CCDC66: variants seen among roughly 807,000 people sequenced by gnomAD.
CCDC66 encodes coiled-coil domain-containing protein 66.
Under a neutral mutation model 128.3 loss-of-function variants are expected in CCDC66, and 133 were observed. The observed-to-expected ratio is 1.04, with a 90% CI of 0.90 to 1.20. The LOEUF (loss-of-function observed/expected upper bound fraction) is 1.20, where lower values mean the gene tolerates loss of function less well. CCDC66 is among the 50% of genes most tolerant of loss of function. CCDC66 has a pLI of 0.00. For missense variants in CCDC66, 1,126 were observed against 1,075.5 expected, an observed-to-expected ratio of 1.05 and a Z score of -0.66; for synonymous variants, 387 against 357.0, an observed-to-expected ratio of 1.08 and a Z score of -0.95.
chr3:56,559,422 A>G, intron 2 of CCDC66, 147 bp from the exon 3 acceptor site: 1 of 536,722 alleles, frequency 1.9e-6, no homozygotes. Context: ...ATTAGAAAAA[A>G]ATACTCAGTC....
At chr3:56,611,432 C>T (rs368565405) in intron 10 of CCDC66, among the ~76,000 whole-genome samples, 7 of 147,156 alleles carry the variant, frequency 4.8e-5, no homozygotes, top group Admixed American at 3.4e-4. Flanking sequence ...CCCCCTCAAA[C>T]GCCTGCAACA....
chr3:56,561,898 C>T (rs2065149460), intron 3 of CCDC66, among the ~76,000 whole-genome samples: 1 of 151,934 alleles, frequency 6.6e-6, no homozygotes, highest in Non-Finnish European at 1.5e-5. Context: ...TTTTTTTCCC[C>T]CATTTCCCAC....
rs371171885 is a variant in CCDC66 at position 56,564,144 on chromosome 3, T to C, written c.544+19T>C. 37 of 1,561,340 alleles carry C rather than the reference T, an allele frequency of 2.4e-5. No individual in the cohort carries two copies. The African/African-American group carries it at 5.0e-4, about 21-fold the overall frequency. The stretch of plus-strand genomic sequence containing the variant: ...GCAAAAAGTAAGATTTTTCTAAAGT[T>C]TTCATGAATTTTGATTTTTTCAATA... On this transcript the variant is annotated intron_variant, in intron 4 of 17. Transcript: ENST00000394672.
rs7619518 is a variant in CCDC66 at position 56,620,220 on chromosome 3, T to C, written c.2760+319T>C. On this transcript the variant is annotated intron_variant, in intron 17 of 17. Transcript: ENST00000394672. ...GGCCCTAAAACAAAAAATACAGTTA[T>C]GCTTTAACAAATTCTTAGCAATGTG... The C allele has an allele frequency of 2.4e-3, 413 of 171,254 alleles. 1 individual carries two copies. Among genetic ancestry groups the C allele is most frequent in the African/African-American group, 6.9e-3 (289 of 42,124 alleles). 10.6% of individuals were successfully genotyped at this position (171,254 alleles called of 1,614,324 possible). A position where few individuals can be genotyped will look rare whatever the true frequency, so the allele number is the denominator to read the frequency against.
chr3:56,575,384 G>A (rs2067218353), intron 7 of CCDC66, among the ~76,000 whole-genome samples: 1 of 151,796 alleles, frequency 6.6e-6, no homozygotes, highest in African/African-American at 2.4e-5. Flanking sequence ...CTATTTGCAT[G>A]TATTTGAAGA....
intron 10 of CCDC66, among the ~76,000 whole-genome samples, chr3:56,603,334 A>G (rs1295982716): frequency 6.6e-6 from 1 of 151,248 alleles, no homozygotes; most frequent in African/African-American, 2.4e-5. Flanking sequence ...GTAGCTTTTG[A>G]ATTTGTTTGC....
At chr3:56,604,988 A>G (rs13095165) in intron 10 of CCDC66, among the ~76,000 whole-genome samples, 4,859 of 151,202 alleles carry the variant, frequency 0.032, 117 homozygotes, top group Middle Eastern at 0.078. Context: ...TTTTTTTTCT[A>G]ATCTTGTCTT....
At chr3:56,562,737 C>T (rs1200257565) in intron 3 of CCDC66, among the ~76,000 whole-genome samples, 1 of 151,904 alleles carries the variant, frequency 6.6e-6, no homozygotes, top group Admixed American at 6.6e-5. Flanking sequence ...CTTCTGGGTT[C>T]AAGCGATTCT....
chr3:56,572,252 T>A (rs2066736123), intron 7 of CCDC66: 3 of 695,716 alleles, frequency 4.3e-6, no homozygotes, highest in Admixed American at 2.4e-5. Context: ...GTAGTGCTTT[T>A]GTGATTTTTA....
chr3:56,566,319 T>C (rs909331008), intron 4 of CCDC66, among the ~76,000 whole-genome samples: 18 of 151,994 alleles, frequency 1.2e-4, no homozygotes, highest in African/African-American at 4.1e-4. Context: ...GAGACGAGGT[T>C]TTGTCATGTT....
chr3:56,569,699 A>G (rs1172501817), intron 6 of CCDC66: 1 of 151,808 alleles, frequency 6.6e-6, no homozygotes, highest in African/African-American at 2.4e-5. Context: ...GGCGGTCTTG[A>G]TGTGTGTTTA....
chr3:56,565,140 A>G, intron 4 of CCDC66: 1 of 428,980 alleles, frequency 2.3e-6, no homozygotes, highest in Non-Finnish European at 4.8e-6. Flanking sequence ...ATAGCTGGGC[A>G]TAGAGACAAT....
chr3:56,616,022 G>C lies in CCDC66; in HGVS notation c.1812G>C (p.Thr604=). 1 of 1,439,296 alleles carries C rather than the reference G, an allele frequency of 6.9e-7. No homozygotes were observed. Among genetic ancestry groups the C allele is most frequent in the Non-Finnish European group, 9.3e-7 (1 of 1,080,540 alleles). 89.2% of individuals were successfully genotyped at this position (1,439,296 alleles called of 1,614,324 possible). Residue 604 remains threonine, a synonymous_variant, in exon 13 of 18, where the codon ACG becomes ACC. Transcript: ENST00000394672. ...AAATGAATACATATATGAATTCTAC[G>C]ACTTCTAAGAAGGATACTGGTGTGC... The part of the protein sequence containing the change: ...SGKMNTYMNS[T]TSKKDTGVQT...
chr3:56,558,621 A>G, intron 1 of CCDC66: 1 of 514,162 alleles, frequency 1.9e-6, no homozygotes, highest in South Asian at 2.3e-5. Flanking sequence ...GGTTAATGAT[A>G]ACAATGCTTG....
intron 16 of CCDC66, 92 bp downstream of exon 16, chr3:56,619,619 C>G (rs998530327): frequency 6.0e-6 from 9 of 1,495,950 alleles, no homozygotes; most frequent in Non-Finnish European, 7.2e-6. Flanking sequence ...AATTCCTGCA[C>G]TTAGTTCTAT....
chr3:56,613,811 C>CAA (rs775653546), intron 11 of CCDC66, 61 bp downstream of exon 11: 24 of 1,412,390 alleles, frequency 1.7e-5, no homozygotes, highest in African/African-American at 1.6e-4. Flanking sequence ...GACAGGGTCT[C>CAA]ACTCTTTTGC....
At chr3:56,562,821 T>C (rs571439961) in intron 3 of CCDC66, among the ~76,000 whole-genome samples, 7 of 151,430 alleles carry the variant, frequency 4.6e-5, no homozygotes, top group Admixed American at 1.3e-4. Flanking sequence ...TGTATTTTTT[T>C]TTTTTAGTAG....
intron 3 of CCDC66, among the ~76,000 whole-genome samples, chr3:56,561,928 T>G (rs577594734): frequency 2.1e-3 from 323 of 152,308 alleles, no homozygotes; most frequent in Non-Finnish European, 3.6e-3. Context: ...TATTGTAATC[T>G]CCATAGTTTG....
intron 10 of CCDC66, among the ~76,000 whole-genome samples, chr3:56,600,155 T>C (rs1472544782): frequency 6.7e-6 from 1 of 150,084 alleles, no homozygotes; most frequent in African/African-American, 2.5e-5. Flanking sequence ...TTATCTTTTT[T>C]TTTTTTTTTT....
Sources: allele counts gnomAD v4.1 joint callset (sites outside exome capture counted in the v4.1 genomes callset), GRCh38; gene constraint gnomAD v4.1.1; transcripts MANE v1.5; gene names NCBI Gene and HGNC (gene_info 2026-07-23, HGNC 2026-07-21).